ECE1: variants seen among roughly 807,000 people sequenced by gnomAD.
ECE1 encodes the protein endothelin converting enzyme 1.
In ECE1, 35 loss-of-function variants were observed where a neutral mutation model predicts 98.6. The observed-to-expected ratio is 0.35, with a 90% CI of 0.27 to 0.47. ECE1 has a LOEUF of 0.47. ECE1 is among the 20% of genes least tolerant of loss of function. The pLI, the probability that ECE1 is intolerant of heterozygous loss-of-function variation, is 1.00. For synonymous variants in ECE1, 394 were observed against 407.1 expected (o/e 0.97, Z 0.39); for missense variants, 814 against 1,025.3 (o/e 0.79, Z 2.81).
At chr1:21,291,042 C>T (rs2098266185), upstream of ECE1, among the ~76,000 whole-genome samples, 1 of 152,270 alleles carries the variant, frequency 6.6e-6, no homozygotes, top group African/African-American at 2.4e-5. Flanking sequence ...CCCTGCAACA[C>T]AAGAGAACCA....
chr1:21,290,545 C>G (rs116727148), upstream of ECE1: 4,195 of 1,190,290 alleles, frequency 3.5e-3, 111 homozygotes, highest in African/African-American at 0.056. This position sits in a 1 kb window ranked among gnomAD's most constrained non-coding sequence, Gnocchi z 7.3. Context: ...TCCGGCCTCC[C>G]GGGGAGACCC....
At chr1:21,317,771 G>T (rs1186336154) in intron 1 of ECE1, among the ~76,000 whole-genome samples, 1 of 152,152 alleles carries the variant, frequency 6.6e-6, no homozygotes, top group Non-Finnish European at 1.5e-5. Flanking sequence ...CATCCAAACA[G>T]ATCCTCTGGA....
chr1:21,276,680 C>CTTTT (rs1553364114), intron 3 of ECE1, among the ~76,000 whole-genome samples: 2 of 143,908 alleles, frequency 1.4e-5, no homozygotes, highest in African/African-American at 5.0e-5. Flanking sequence ...ATCAGATTTG[C>CTTTT]TTTCTTTTTT....
intron 17 of ECE1, among the ~76,000 whole-genome samples, chr1:21,224,412 G>T (rs2098171163): frequency 6.6e-6 from 1 of 152,172 alleles, no homozygotes. Context: ...TTCAAACACA[G>T]CCCCTGCTAG....
chr1:21,272,674 A>T (rs1460894164), intron 4 of ECE1, 25 bp downstream of exon 4: 1 of 1,613,782 alleles, frequency 6.2e-7, no homozygotes, highest in African/African-American at 1.3e-5. Context: ...TGGCCCATTT[A>T]TTGGTCTCCA....
chr1:21,276,680 C>CA (rs1225363720), intron 3 of ECE1, among the ~76,000 whole-genome samples: 49 of 143,958 alleles, frequency 3.4e-4, no homozygotes, highest in African/African-American at 1.2e-3. Flanking sequence ...ATCAGATTTG[C>CA]TTTCTTTTTT....
chr1:21,253,031 TTTATTA>T (rs1300404060), intron 8 of ECE1, among the ~76,000 whole-genome samples: 2 of 136,194 alleles, frequency 1.5e-5, no homozygotes, highest in African/African-American at 6.0e-5. Context: ...CCAGGACTTC[TTTATTA>T]TTTTATTTTA....
chr1:21,308,933 C>T (rs1297921735), intron 1 of ECE1, among the ~76,000 whole-genome samples: 1 of 152,196 alleles, frequency 6.6e-6, no homozygotes, highest in African/African-American at 2.4e-5. Context: ...CTGCAGCAGG[C>T]TTAGTTGGAC....
rs143244097 is a variant in ECE1 at position 21,334,664 on chromosome 1, C to T, written c.3+10712G>A. Among the ~76,000 whole-genome samples the T allele has an allele frequency of 2.1e-3, 320 of 152,284 alleles. 1 individual carries two copies. The highest frequency in any genetic ancestry group is 7.1e-3 in the African/African-American group (294 of 41,572). ...CTCTGGGAGAATCCCAAGCCCACCCCGGAAGGCTGAGTTGAAGTGGAGGTT... is the reference window on the plus strand; with the variant it reads ...CTCTGGGAGAATCCCAAGCCCACCCTGGAAGGCTGAGTTGAAGTGGAGGTT... On this transcript the variant is annotated intron_variant, in intron 1 of 18. Coordinates refer to the ECE1 transcript ENST00000415912.
chr1:21,257,618 A>G, intron 6 of ECE1, 28 bp from the exon 7 acceptor site: 1 of 1,613,594 alleles, frequency 6.2e-7, no homozygotes, highest in Non-Finnish European at 8.5e-7. Context: ...CATGAGAGGG[A>G]ATTCGTGTTG....
At chr1:21,331,641 T>G (rs981538080) in intron 1 of ECE1, among the ~76,000 whole-genome samples, 3 of 151,902 alleles carry the variant, frequency 2.0e-5, no homozygotes, top group Non-Finnish European at 2.9e-5. Context: ...CTGCCCAGGT[T>G]CCACTCTAGC....
intron 16 of ECE1, among the ~76,000 whole-genome samples, chr1:21,226,380 C>T (rs2098174262): frequency 6.6e-6 from 1 of 152,180 alleles, no homozygotes; most frequent in African/African-American, 2.4e-5. Flanking sequence ...CTTTTACAGA[C>T]AAGACATGGG....
intron 1 of ECE1, among the ~76,000 whole-genome samples, chr1:21,320,310 G>A (rs1479063702): frequency 6.6e-6 from 1 of 152,218 alleles, no homozygotes; most frequent in Non-Finnish European, 1.5e-5. Context: ...TGGGGATGGT[G>A]ACAGGGCCAA....
At chr1:21,329,389 G>A (rs1057235977) in intron 1 of ECE1, among the ~76,000 whole-genome samples, 2 of 152,196 alleles carry the variant, frequency 1.3e-5, no homozygotes, top group Non-Finnish European at 2.9e-5. Context: ...CCAGAAAGGG[G>A]CGTGGCCTTC....
At chr1:21,227,119 A>T (rs769429468) in intron 16 of ECE1, 40 bp downstream of exon 16, 64 of 1,602,760 alleles carry the variant, frequency 4.0e-5, no homozygotes, top group Non-Finnish European at 5.4e-5. Context: ...AAGCACGGAG[A>T]TTACAGGCAT....
At chr1:21,273,368 T>C (rs2098242812) in intron 3 of ECE1, among the ~76,000 whole-genome samples, 1 of 141,078 alleles carries the variant, frequency 7.1e-6, no homozygotes, top group Non-Finnish European at 1.5e-5. Flanking sequence ...TGTGTGTGTG[T>C]GTGTGTGTGT....
intron 1 of ECE1, among the ~76,000 whole-genome samples, chr1:21,344,446 A>G (rs1031124815): frequency 6.6e-6 from 1 of 152,200 alleles, no homozygotes; most frequent in Non-Finnish European, 1.5e-5. Flanking sequence ...TGGCTCGTCT[A>G]TAGGGAAAGA....
intron 11 of ECE1, among the ~76,000 whole-genome samples, chr1:21,237,360 G>A (rs544589457): frequency 6.6e-6 from 1 of 152,306 alleles, no homozygotes; most frequent in Non-Finnish European, 1.5e-5. Flanking sequence ...AAGATGGAAA[G>A]TTGAAGGTTC....
chr1:21,269,744 C>T lies in ECE1; in HGVS notation c.493+2955G>A, dbSNP rs28367963. Among the ~76,000 whole-genome samples, 10 of 152,290 alleles carry T rather than the reference C, an allele frequency of 6.6e-5. No individual in the cohort carries two copies. The East Asian group carries it at 1.7e-3, about 26-fold the overall frequency. On this transcript the variant is annotated intron_variant, in intron 4 of 18. Coordinates refer to ENST00000374893, the MANE Select transcript of ECE1 (RefSeq NM_001397.3). ...GTATGTGTTAGGAGGCATCATTATC[C>T]CTACTGTACAGATAATGAAACTAAG...
Sources: allele counts gnomAD v4.1 joint callset (sites outside exome capture counted in the v4.1 genomes callset), GRCh38; gene constraint gnomAD v4.1.1; non-coding constraint Gnocchi (gnomAD v3.1); transcripts MANE v1.5; gene names NCBI Gene and HGNC (gene_info 2026-07-23, HGNC 2026-07-21).